COG5: variants seen among roughly 807,000 people sequenced by gnomAD.
COG5 encodes the protein component of oligomeric golgi complex 5, also known as conserved oligomeric Golgi complex subunit 5.
COG5 carries 86 observed loss-of-function variants against 110.4 expected under a neutral mutation model. The ratio of observed to expected loss-of-function variants is 0.78; its 90% CI spans 0.65 to 0.93. The LOEUF (loss-of-function observed/expected upper bound fraction) is 0.93. Ranked by LOEUF, COG5 falls within the 40% of genes least tolerant of loss-of-function variation. COG5 has a pLI of 0.00. For missense variants in COG5, 1,077 were observed against 987.0 expected, an observed-to-expected ratio of 1.09 and a Z score of -1.22; for synonymous variants, 360 against 334.6, an observed-to-expected ratio of 1.08 and a Z score of -0.83.
At chr7:107,484,813 C>G (rs1797560007) in intron 6 of COG5, among the ~76,000 whole-genome samples, 1 of 152,178 alleles carries the variant, frequency 6.6e-6, no homozygotes, top group Non-Finnish European at 1.5e-5. Context: ...ATAAAACCCT[C>G]TGCAACTCTG....
chr7:107,559,056 T>G (rs1803569931), intron 1 of COG5, among the ~76,000 whole-genome samples: 1 of 151,772 alleles, frequency 6.6e-6, no homozygotes, highest in Admixed American at 6.6e-5. Context: ...GCCTCAGATA[T>G]CTCTAGATCA....
intron 12 of COG5, among the ~76,000 whole-genome samples, chr7:107,290,696 C>G (rs1308943104): frequency 6.6e-6 from 1 of 152,090 alleles, no homozygotes; most frequent in East Asian, 1.9e-4. Context: ...GGATTCTTGG[C>G]TCATTTTTTT....
At chr7:107,513,758 T>C (rs1013156024) in intron 6 of COG5, among the ~76,000 whole-genome samples, 1 of 152,136 alleles carries the variant, frequency 6.6e-6, no homozygotes, top group Non-Finnish European at 1.5e-5. Context: ...GGGACATGGA[T>C]GAAGCTGGAA....
chr7:107,322,278 T>C (rs1467679771), intron 11 of COG5, among the ~76,000 whole-genome samples: 1 of 152,310 alleles, frequency 6.6e-6, no homozygotes, highest in East Asian at 1.9e-4. Context: ...GAGGCTCAGA[T>C]AGCTTCCCTA....
chr7:107,279,716 A>G (rs1805015206), intron 14 of COG5, among the ~76,000 whole-genome samples: 1 of 152,148 alleles, frequency 6.6e-6, no homozygotes, highest in African/African-American at 2.4e-5. Context: ...TCCCTTATAC[A>G]CTAAAATGAA....
chr7:107,417,023 C>T (rs890881582), intron 6 of COG5, among the ~76,000 whole-genome samples: 7 of 152,108 alleles, frequency 4.6e-5, no homozygotes, highest in African/African-American at 1.7e-4. Flanking sequence ...TATGAATCTC[C>T]AAATCCTCAA....
chr7:107,216,545 A>G (rs774187253), intron 19 of COG5, among the ~76,000 whole-genome samples: 2 of 152,242 alleles, frequency 1.3e-5, no homozygotes, highest in African/African-American at 2.4e-5. Flanking sequence ...AATCATATCA[A>G]GTATCTTTTC....
chr7:107,433,103 A>G (rs968980579), intron 6 of COG5, among the ~76,000 whole-genome samples: 3 of 152,204 alleles, frequency 2.0e-5, no homozygotes, highest in African/African-American at 7.2e-5. Flanking sequence ...AAAAAGAGTA[A>G]GACACTTAAG....
At chr7:107,320,993 A>G (rs1244479132) in intron 11 of COG5, among the ~76,000 whole-genome samples, 2 of 152,128 alleles carry the variant, frequency 1.3e-5, no homozygotes, top group Admixed American at 6.5e-5. Flanking sequence ...TCTTTATCCA[A>G]TTTAGACATC....
At chr7:107,479,330 T>C (rs1292403427) in intron 6 of COG5, among the ~76,000 whole-genome samples, 2 of 152,112 alleles carry the variant, frequency 1.3e-5, no homozygotes, top group South Asian at 2.1e-4. Context: ...TTCTATCTTA[T>C]GCTAGAAGAG....
At chr7:107,235,378 C>T (rs1473562808) in intron 18 of COG5, among the ~76,000 whole-genome samples, 1 of 152,188 alleles carries the variant, frequency 6.6e-6, no homozygotes, top group Non-Finnish European at 1.5e-5. Flanking sequence ...ACTATTTGGA[C>T]TAGTAAAGCT....
chr7:107,376,994 T>G (rs1814692658), intron 7 of COG5, among the ~76,000 whole-genome samples: 1 of 152,166 alleles, frequency 6.6e-6, no homozygotes, highest in Admixed American at 6.5e-5. Context: ...TTATTATTTT[T>G]GTACAGATTT....
At chr7:107,321,978 G>A (rs1237056600) in intron 11 of COG5, among the ~76,000 whole-genome samples, 4 of 152,126 alleles carry the variant, frequency 2.6e-5, no homozygotes, top group Non-Finnish European at 4.4e-5. Context: ...GAAGTACTCT[G>A]AACCCAGAAT....
intron 12 of COG5, among the ~76,000 whole-genome samples, chr7:107,293,225 A>C (rs530962444): frequency 1.3e-5 from 2 of 152,246 alleles, no homozygotes; most frequent in East Asian, 3.9e-4. Flanking sequence ...TCAAGGACCC[A>C]TTCATTGCGT....
At chr7:107,562,685 C>G (rs1195338378) in intron 1 of COG5, among the ~76,000 whole-genome samples, 1 of 152,204 alleles carries the variant, frequency 6.6e-6, no homozygotes, top group Non-Finnish European at 1.5e-5. Context: ...GAGTTTCCAA[C>G]ATGAAATAGT....
chr7:107,461,061 A>G (rs1795961181), intron 6 of COG5, among the ~76,000 whole-genome samples: 1 of 152,154 alleles, frequency 6.6e-6, no homozygotes, highest in African/African-American at 2.4e-5. Context: ...CATTTTCAAA[A>G]TTGGAGAAAA....
At chr7:107,556,936 A>C (rs1803367810) in intron 2 of COG5, among the ~76,000 whole-genome samples, 1 of 151,896 alleles carries the variant, frequency 6.6e-6, no homozygotes, top group African/African-American at 2.4e-5. Flanking sequence ...ATGCCCAGCT[A>C]ATTTTTGTAT....
chr7:107,227,114 A>C (rs554059608), intron 19 of COG5, among the ~76,000 whole-genome samples: 1 of 152,334 alleles, frequency 6.6e-6, no homozygotes, highest in East Asian at 1.9e-4. Context: ...TTCAAGAGTT[A>C]AGGGCCTCGT....
chr7:107,243,408 G>C (rs867377533), intron 17 of COG5, among the ~76,000 whole-genome samples: 3 of 151,508 alleles, frequency 2.0e-5, no homozygotes, highest in African/African-American at 7.3e-5. Flanking sequence ...AGCTACTCAG[G>C]AGGCTGAGGC....
Sources: gnomAD v4.1 joint callset for allele counts (sites outside exome capture counted in the v4.1 genomes callset) on GRCh38, gnomAD v4.1.1 for gene constraint, MANE v1.5 for transcripts, NCBI Gene and HGNC (gene_info 2026-07-23, HGNC 2026-07-21) for gene names.